The following CBFA2T2 variants were observed in gnomAD, a reference collection of about 807,000 sequenced individuals.
CBFA2T2 encodes CBFA2/RUNX1 partner transcriptional co-repressor 2.
CBFA2T2 carries 11 observed loss-of-function variants against 62.2 expected under a neutral mutation model. The observed-to-expected ratio is 0.18, with a 90% CI of 0.11 to 0.29. The LOEUF (loss-of-function observed/expected upper bound fraction) is 0.29. CBFA2T2 is among the 10% of genes least tolerant of loss of function. The pLI is 1.00. For missense variants in CBFA2T2, 592 were observed against 774.1 expected (o/e 0.76, Z 2.79); for synonymous variants, 295 against 287.5 (o/e 1.03, Z -0.27).
At chr20:33,593,430 G>A (rs752587888) in intron 1 of CBFA2T2, among the ~76,000 whole-genome samples, 29 of 120,376 alleles carry the variant, frequency 2.4e-4, no homozygotes, top group Admixed American at 3.9e-4. Flanking sequence ...GAGTCTCACT[G>A]TGTTTCCCAG....
chr20:33,490,612 C>G (rs556556194), intron 1 of CBFA2T2, among the ~76,000 whole-genome samples: 1 of 152,292 alleles, frequency 6.6e-6, no homozygotes, highest in East Asian at 1.9e-4. Flanking sequence ...TTTTGTTGTC[C>G]CAGCGCTGGG....
At chr20:33,631,175 G>C (rs563064630) in intron 8 of CBFA2T2, among the ~76,000 whole-genome samples, 1 of 152,182 alleles carries the variant, frequency 6.6e-6, no homozygotes, top group Non-Finnish European at 1.5e-5. Flanking sequence ...TTAGCCAGGC[G>C]TGGTGGCGGA....
At chr20:33,534,360 C>T (rs1011309131) in intron 1 of CBFA2T2, among the ~76,000 whole-genome samples, 2 of 152,112 alleles carry the variant, frequency 1.3e-5, no homozygotes, top group African/African-American at 4.8e-5. Context: ...CACTCTGTTG[C>T]CCAGGCTGGA....
intron 1 of CBFA2T2, chr20:33,562,785 A>T (rs1411531188): frequency 1.7e-6 from 1 of 573,080 alleles, no homozygotes; most frequent in Non-Finnish European, 2.2e-6. Context: ...GGTATTTGAT[A>T]CAAGAGTTCA....
intron 10 of CBFA2T2, 81 bp downstream of exon 10, chr20:33,640,612 GA>G (rs1461936441): frequency 1.7e-5 from 22 of 1,292,024 alleles, no homozygotes; most frequent in Non-Finnish European, 2.4e-5. Context: ...CGCTGGGCAG[GA>G]AGACACAGGC....
intron 1 of CBFA2T2, among the ~76,000 whole-genome samples, chr20:33,553,706 G>A (rs544686092): frequency 6.6e-6 from 1 of 152,186 alleles, no homozygotes; most frequent in African/African-American, 2.4e-5. Context: ...CGCTAAGCAG[G>A]CTATAAGTTT....
intron 1 of CBFA2T2, among the ~76,000 whole-genome samples, chr20:33,494,241 GTGTATATATATATATATATA>G (rs1405958697): frequency 2.4e-5 from 1 of 41,900 alleles, no homozygotes; most frequent in African/African-American, 8.9e-5. Context: ...GCATATATAT[GTGTATATATATATATATATA>G]TATATATATA....
chr20:33,642,968 A>G (rs1037733660), intron 10 of CBFA2T2, among the ~76,000 whole-genome samples: 1 of 152,206 alleles, frequency 6.6e-6, no homozygotes, highest in African/African-American at 2.4e-5. Context: ...CTATCCCTGC[A>G]AAATCACTTT....
intron 1 of CBFA2T2, among the ~76,000 whole-genome samples, chr20:33,514,089 G>C (rs1011728381): frequency 8.6e-5 from 13 of 150,762 alleles, no homozygotes; most frequent in African/African-American, 1.7e-4. Flanking sequence ...TTTTAGTAGA[G>C]ACAGGATTTT....
Position 33,523,931 on chromosome 20 carries a change from G to A in CBFA2T2, c.34+33630G>A, listed in dbSNP as rs536954311. Among the ~76,000 whole-genome samples the A allele has an allele frequency of 1.1e-4, 16 of 152,160 alleles. No homozygotes were observed. The South Asian group carries it at 3.1e-3, about 30-fold the overall frequency. Reference sequence around the variant, plus strand: ...ACTCCTGACCTGAGGTGATCCGCCCGCCTCGGCCTCCCAAAGTGCTGAGAT... The same window carrying A: ...ACTCCTGACCTGAGGTGATCCGCCCACCTCGGCCTCCCAAAGTGCTGAGAT... On this transcript the variant is annotated intron_variant, in intron 1 of 10. Transcript: ENST00000342704.
intron 1 of CBFA2T2, among the ~76,000 whole-genome samples, chr20:33,536,663 C>T (rs1480889518): frequency 1.1e-4 from 16 of 148,144 alleles, no homozygotes; most frequent in East Asian, 4.2e-4. Context: ...TCAGATGGGG[C>T]GGCCGGGCAG....
Position 33,607,117 on chromosome 20 carries a change from C to T in CBFA2T2, c.178+18C>T. On this transcript the variant is annotated intron_variant, in intron 2 of 10. Coordinates refer to ENST00000342704, the MANE Select transcript of CBFA2T2 (RefSeq NM_001032999.3). ...TACTGCATGTGAGACCTCTTAGTTACTTATGTTTGTAGTTCAGAGTGACAT... is the reference window on the plus strand; with the variant it reads ...TACTGCATGTGAGACCTCTTAGTTATTTATGTTTGTAGTTCAGAGTGACAT... 1 of 1,608,984 alleles carries T rather than the reference C, an allele frequency of 6.2e-7. No individual in the cohort carries two copies. Among genetic ancestry groups the T allele is most frequent in the Non-Finnish European group, 8.5e-7 (1 of 1,176,446 alleles).
At chr20:33,494,273 ATTTTTTTTTTT>A (rs1156307604) in intron 1 of CBFA2T2, among the ~76,000 whole-genome samples, 17 of 21,354 alleles carry the variant, frequency 8.0e-4, no homozygotes, top group Admixed American at 1.2e-3. Flanking sequence ...ATATATATAT[ATTTTTTTTTTT>A]TTTTTTTTTT....
At chr20:33,579,234 A>C (rs1465149413) in intron 1 of CBFA2T2, among the ~76,000 whole-genome samples, 1 of 150,836 alleles carries the variant, frequency 6.6e-6, no homozygotes, top group African/African-American at 2.4e-5. Flanking sequence ...ATTTTTATTC[A>C]ATTTTTTTTA....
intron 1 of CBFA2T2, among the ~76,000 whole-genome samples, chr20:33,495,287 G>A (rs575562692): frequency 6.0e-5 from 9 of 151,154 alleles, no homozygotes; most frequent in African/African-American, 2.2e-4. Context: ...AGTACCAGCT[G>A]AGGCAGGAGA....
chr20:33,565,957 G>A (rs763004744), intron 1 of CBFA2T2, among the ~76,000 whole-genome samples: 1 of 152,198 alleles, frequency 6.6e-6, no homozygotes, highest in African/African-American at 2.4e-5. Context: ...AGTTGGATCC[G>A]AAAGATTGGT....
intron 1 of CBFA2T2, among the ~76,000 whole-genome samples, chr20:33,547,346 A>G (rs1358493726): frequency 6.6e-6 from 1 of 152,184 alleles, no homozygotes; most frequent in Non-Finnish European, 1.5e-5. Context: ...ATGAACTATG[A>G]TTGGGTCACA....
chr20:33,509,546 G>A (rs756616695), intron 1 of CBFA2T2, among the ~76,000 whole-genome samples: 5 of 152,012 alleles, frequency 3.3e-5, no homozygotes, highest in Non-Finnish European at 5.9e-5. Flanking sequence ...AAAAGGTCCT[G>A]GCTGGGCACG....
intron 1 of CBFA2T2, among the ~76,000 whole-genome samples, chr20:33,562,002 A>T (rs1369192309): frequency 1.3e-5 from 2 of 152,232 alleles, no homozygotes; most frequent in African/African-American, 4.8e-5. Flanking sequence ...GATTTTAAGA[A>T]GGAATTTGTT....
Sources: allele counts gnomAD v4.1 joint callset (sites outside exome capture counted in the v4.1 genomes callset), GRCh38; gene constraint gnomAD v4.1.1; transcripts MANE v1.5; gene names NCBI Gene and HGNC (gene_info 2026-07-23, HGNC 2026-07-21).